SLC30A8: variants seen among roughly 807,000 people sequenced by gnomAD.
SLC30A8 encodes proton-coupled zinc antiporter SLC30A8.
In SLC30A8, 27 loss-of-function variants were observed where a neutral mutation model predicts 36.9. That is an observed-to-expected ratio of 0.73 (90% CI 0.54 to 1.01). The LOEUF (loss-of-function observed/expected upper bound fraction) is 1.01. Ranked by LOEUF, SLC30A8 falls within the 50% of genes least tolerant of loss-of-function variation. The pLI, the probability that SLC30A8 is intolerant of heterozygous loss-of-function variation, is 0.00. For synonymous variants in SLC30A8, 164 were observed against 172.4 expected (o/e 0.95, Z 0.38); for missense variants, 439 against 452.0 (o/e 0.97, Z 0.26).
At chr8:117,079,637 G>A (rs1328488841) in intron 2 of SLC30A8, among the ~76,000 whole-genome samples, 1 of 152,110 alleles carries the variant, frequency 6.6e-6, no homozygotes, top group Admixed American at 6.5e-5. Flanking sequence ...AAGTTGATGG[G>A]TACTTCTGGA....
intron 6 of SLC30A8, among the ~76,000 whole-genome samples, chr8:117,169,739 G>A (rs1369897144): frequency 6.6e-6 from 1 of 152,048 alleles, no homozygotes; most frequent in African/African-American, 2.4e-5. Context: ...GTCACATGAT[G>A]GGAATGGAGC....
chr8:117,168,203 T>C (rs1337037854), intron 6 of SLC30A8, among the ~76,000 whole-genome samples: 1 of 152,126 alleles, frequency 6.6e-6, no homozygotes, highest in African/African-American at 2.4e-5. Flanking sequence ...ATCACATGCA[T>C]TTCAAAATTT....
chr8:117,072,945 A>C (rs892906287), intron 2 of SLC30A8, among the ~76,000 whole-genome samples: 1 of 152,086 alleles, frequency 6.6e-6, no homozygotes, highest in Non-Finnish European at 1.5e-5. Context: ...TGCACATGTA[A>C]AATTTCCATT....
At chr8:116,976,039 G>A (rs946434056) in intron 1 of SLC30A8, among the ~76,000 whole-genome samples, 4 of 152,162 alleles carry the variant, frequency 2.6e-5, no homozygotes, top group Non-Finnish European at 5.9e-5. Context: ...GCAGGCTTAG[G>A]AAGCTTGTCC....
At chr8:117,011,517 CAG>C (rs1451584377) in intron 1 of SLC30A8, among the ~76,000 whole-genome samples, 1 of 152,186 alleles carries the variant, frequency 6.6e-6, no homozygotes, top group Non-Finnish European at 1.5e-5. Flanking sequence ...GCACCTGAGA[CAG>C]AGAGAAGCCT....
rs148817257 is a variant in SLC30A8 at position 116,961,459 on chromosome 8, G to A, written c.-266+10340G>A. Among the ~76,000 whole-genome samples, 326 of 151,794 alleles carry A rather than the reference G, an allele frequency of 2.1e-3. 1 individual carries two copies. The highest frequency in any genetic ancestry group is 7.5e-3 in the African/African-American group (312 of 41,488). On this transcript the variant is annotated intron_variant, in intron 1 of 10. Coordinates refer to the SLC30A8 transcript ENST00000427715. The stretch of plus-strand genomic sequence containing the variant: ...AAATAAATAAATAAAAAAGATTTAT[G>A]GCAACCTACAAGTATATATGCAATG...
intron 2 of SLC30A8, among the ~76,000 whole-genome samples, chr8:117,087,545 A>C (rs1424245677): frequency 6.6e-6 from 1 of 151,082 alleles, no homozygotes; most frequent in Non-Finnish European, 1.5e-5. Flanking sequence ...TTTTTTTTCT[A>C]ATCTTCTATA....
intron 2 of SLC30A8, among the ~76,000 whole-genome samples, chr8:117,099,192 G>C (rs755808382): frequency 6.6e-6 from 1 of 152,028 alleles, no homozygotes; most frequent in Non-Finnish European, 1.5e-5. Flanking sequence ...ACTTTTTTGT[G>C]AACAGTCTTG....
intron 1 of SLC30A8, among the ~76,000 whole-genome samples, chr8:116,952,757 A>T (rs2130571411): frequency 6.6e-6 from 1 of 152,282 alleles, no homozygotes; most frequent in African/African-American, 2.4e-5. Flanking sequence ...GGGCCTGGCC[A>T]CTTCCAATTC....
chr8:117,109,547 A>G (rs1315619168), intron 2 of SLC30A8, among the ~76,000 whole-genome samples: 1 of 152,120 alleles, frequency 6.6e-6, no homozygotes, highest in African/African-American at 2.4e-5. Context: ...TAGGAAAAAA[A>G]CAAGAGAAGG....
chr8:117,171,268 C>T, intron 7 of SLC30A8, 100 bp downstream of exon 7: 1 of 1,294,428 alleles, frequency 7.7e-7, no homozygotes, highest in Non-Finnish European at 1.1e-6. Context: ...TTGTCTGTTG[C>T]TTGTCAAAAC....
intron 2 of SLC30A8, among the ~76,000 whole-genome samples, chr8:117,046,788 ACGGATTTC>A (rs1374524798): frequency 6.6e-6 from 1 of 152,134 alleles, no homozygotes; most frequent in African/African-American, 2.4e-5. Flanking sequence ...TTTCCACTCT[ACGGATTTC>A]CTGCCTGCTC....
chr8:116,989,148 G>A (rs1586366975), intron 1 of SLC30A8, among the ~76,000 whole-genome samples: 2 of 152,282 alleles, frequency 1.3e-5, no homozygotes, highest in South Asian at 4.2e-4. Context: ...TAAAGATGCT[G>A]GCAACTTTGA....
rs570759590 is a variant in SLC30A8 at position 116,963,068 on chromosome 8, G to A, written c.-266+11949G>A. Among the ~76,000 whole-genome samples the A allele has an allele frequency of 5.9e-4, 88 of 149,054 alleles. 1 individual carries two copies. The highest frequency in any genetic ancestry group is 2.0e-3 in the African/African-American group (81 of 41,310). On this transcript the variant is annotated intron_variant, in intron 1 of 10. Transcript: ENST00000427715. ...GCTCAGTTGGCCTGGGAGTGGAAGA[G>A]GTCAGGAAAGACTTTAAGAATGTAG...
At chr8:117,099,308 T>G (rs2130853056) in intron 2 of SLC30A8, among the ~76,000 whole-genome samples, 1 of 152,216 alleles carries the variant, frequency 6.6e-6, no homozygotes, top group African/African-American at 2.4e-5. Flanking sequence ...GGCTTCTCAT[T>G]GTTATTCAGG....
At chr8:117,102,577 G>A (rs115505187) in intron 2 of SLC30A8, among the ~76,000 whole-genome samples, 2,647 of 152,242 alleles carry the variant, frequency 0.017, 76 homozygotes, top group African/African-American at 0.059. Context: ...CTAGAAGTCT[G>A]AAGTCAAGCC....
At chr8:116,969,922 C>CAAAT (rs1389472489) in intron 1 of SLC30A8, among the ~76,000 whole-genome samples, 1 of 152,072 alleles carries the variant, frequency 6.6e-6, no homozygotes, top group East Asian at 1.9e-4. Context: ...ACTTTTTAAA[C>CAAAT]ACTGTATGCT....
rs1814000638 is a variant in SLC30A8 at position 116,951,789 on chromosome 8, T to C, written c.-266+670T>C. Among the ~76,000 whole-genome samples the C allele has an allele frequency of 2.0e-5, 3 of 152,316 alleles. No individual in the cohort carries two copies. The South Asian group carries it at 6.2e-4, about 32-fold the overall frequency. On this transcript the variant is annotated intron_variant, in intron 1 of 10. Transcript: ENST00000427715. ...TGTGTCTACGGGGTGCCAGCCACTG[T>C]TCTAGGTATGTGTTGAGCATCAGTT... is the stretch of plus-strand genomic sequence containing the variant.
intron 1 of SLC30A8, among the ~76,000 whole-genome samples, chr8:116,987,348 G>A (rs887726219): frequency 1.7e-4 from 26 of 151,678 alleles, no homozygotes; most frequent in African/African-American, 5.1e-4. Context: ...GTTAAATGAC[G>A]AGTTAATGGA....
Sources: gnomAD v4.1 joint callset for allele counts (sites outside exome capture counted in the v4.1 genomes callset) on GRCh38, gnomAD v4.1.1 for gene constraint, MANE v1.5 for transcripts, NCBI Gene and HGNC (gene_info 2026-07-23, HGNC 2026-07-21) for gene names.